LRRC4C: variants seen among roughly 807,000 people sequenced by gnomAD.
LRRC4C encodes leucine-rich repeat-containing protein 4C.
In LRRC4C, 5 loss-of-function variants were observed where a neutral mutation model predicts 33.6. That is an observed-to-expected ratio of 0.15 (90% confidence interval 0.08 to 0.31). The LOEUF (loss-of-function observed/expected upper bound fraction) is 0.31, where lower values mean the gene tolerates loss of function less well. Among genes scored for constraint, LRRC4C ranks in the 10% least tolerant of loss-of-function variants. The probability of loss-of-function intolerance (pLI) is 1.00; values close to 1 mark genes in which losing one functional copy is unlikely to be tolerated. For missense variants in LRRC4C, 560 were observed against 796.7 expected (o/e 0.70, Z 3.58); for synonymous variants, 329 against 302.0 (o/e 1.09, Z -0.93).
chr11:41,079,529 G>A (rs1939406495), intron 1 of LRRC4C, among the ~76,000 whole-genome samples: 2 of 152,062 alleles, frequency 1.3e-5, no homozygotes, highest in Admixed American at 1.3e-4. Context: ...CCCCCCAAGA[G>A]CAAAAAGATG....
rs527947258 is a variant in LRRC4C, at chr11:40,514,882, A to G, written c.-270+133260T>C. 7.9e-5 allele frequency among the ~76,000 whole-genome samples: 12 copies of G among 152,290 alleles called. No homozygotes were observed. In the South Asian group the frequency reaches 2.5e-3, roughly 32 times the overall value. ...CACAATTTCAAAAATTATCAAACCA[A>G]TTTAATTCTTGACATGGGACTAGAG... On this transcript the variant is annotated intron_variant, in intron 3 of 6. Transcript: ENST00000528697.
intron 1 of LRRC4C, among the ~76,000 whole-genome samples, chr11:41,124,334 C>T (rs949940401): frequency 1.3e-5 from 2 of 152,166 alleles, no homozygotes; most frequent in African/African-American, 2.4e-5. Context: ...CTTCTGCCAC[C>T]AATCCAAACT....
At chr11:40,404,607 C>CT in intron 3 of LRRC4C, among the ~76,000 whole-genome samples, 1 of 152,012 alleles carries the variant, frequency 6.6e-6, no homozygotes, top group Middle Eastern at 3.4e-3. Context: ...CCCACTTTTT[C>CT]TTTTTTGCAA....
chr11:41,087,199 G>A (rs562746869), intron 1 of LRRC4C, among the ~76,000 whole-genome samples: 8 of 151,928 alleles, frequency 5.3e-5, no homozygotes, highest in African/African-American at 1.2e-4. Flanking sequence ...TATCAGTCTC[G>A]TTTTTCCATT....
Position 40,595,568 on chromosome 11 carries a change from A to G in LRRC4C, c.-270+52574T>C, listed in dbSNP as rs577171426. 5.9e-5 allele frequency among the ~76,000 whole-genome samples: 9 copies of G among 152,058 alleles called. No individual in the cohort carries two copies. The Middle Eastern group carries it at 0.014, about 230-fold the overall frequency. On this transcript the variant is annotated intron_variant, in intron 3 of 6. Transcript: ENST00000528697. Reference sequence around the variant, plus strand: ...TCCCTTCTTTCTCCAACTCTTCCTTAACTACATAAACATTCTTTGGTGCAT... The same window carrying G: ...TCCCTTCTTTCTCCAACTCTTCCTTGACTACATAAACATTCTTTGGTGCAT...
chr11:40,249,077 C>T lies in LRRC4C; in HGVS notation c.-175-7479G>A, dbSNP rs191652080. Among the ~76,000 whole-genome samples, 295 of 152,232 alleles carry T rather than the reference C, an allele frequency of 1.9e-3. 3 individuals are homozygous for T. Among genetic ancestry groups the T allele is most frequent in the African/African-American group, 6.5e-3 (268 of 41,538 alleles). On this transcript the variant is annotated intron_variant, in intron 4 of 6. Coordinates refer to ENST00000528697, the MANE Select transcript of LRRC4C (RefSeq NM_001258419.2). ...TGGAGGCTAGGCGTGGTGGCTCACG[C>T]CTGTCATCTCAGCACTTTGGGAGGC... is the stretch of plus-strand genomic sequence containing the variant.
chr11:41,345,583 G>C (rs1419562460), intron 1 of LRRC4C, among the ~76,000 whole-genome samples: 1 of 152,060 alleles, frequency 6.6e-6, no homozygotes, highest in African/African-American at 2.4e-5. Context: ...TATCTATAAA[G>C]AAGTTAGAAA....
rs559001516 is a variant in LRRC4C, at chr11:40,251,508, C to T, written c.-175-9910G>A. Among the ~76,000 whole-genome samples, 12 of 152,260 alleles carry T rather than the reference C, an allele frequency of 7.9e-5. No homozygotes were observed. The South Asian group carries it at 2.5e-3, about 32-fold the overall frequency. ...CCTCCACATTTCCTGACTCTTCCCC[C>T]AGCCTCATGCCCCAAAGCCTGGCTC... On this transcript the variant is annotated intron_variant, in intron 4 of 6. Transcript: ENST00000528697.
At chr11:40,155,974 C>T (rs1858655549) in intron 5 of LRRC4C, among the ~76,000 whole-genome samples, 1 of 152,074 alleles carries the variant, frequency 6.6e-6, no homozygotes, top group Non-Finnish European at 1.5e-5. Context: ...CTAACCGAAT[C>T]CAGCAACGTA....
chr11:40,774,167 T>C (rs1228508648), intron 2 of LRRC4C, among the ~76,000 whole-genome samples: 1 of 152,130 alleles, frequency 6.6e-6, no homozygotes, highest in Non-Finnish European at 1.5e-5. Context: ...CTCCATTTTG[T>C]AGCATAAATA....
intron 1 of LRRC4C, among the ~76,000 whole-genome samples, chr11:41,058,357 T>G (rs1042681526): frequency 1.3e-5 from 2 of 152,228 alleles, no homozygotes; most frequent in Non-Finnish European, 2.9e-5. Flanking sequence ...TGTAGCTGCC[T>G]GCCCCACTGC....
intron 1 of LRRC4C, among the ~76,000 whole-genome samples, chr11:41,198,515 C>T (rs938203642): frequency 1.3e-5 from 2 of 151,886 alleles, no homozygotes; most frequent in African/African-American, 2.4e-5. Flanking sequence ...GGGATGTAAG[C>T]ATTTGAGAAT....
intron 4 of LRRC4C, among the ~76,000 whole-genome samples, chr11:40,248,189 C>G (rs1385236946): frequency 6.6e-6 from 1 of 152,102 alleles, no homozygotes; most frequent in East Asian, 1.9e-4. Flanking sequence ...GTTCCAATGT[C>G]ATTTCTTCTA....
chr11:40,319,873 T>A (rs549900018), intron 3 of LRRC4C, 152 bp from the exon 4 acceptor site: 1 of 152,262 alleles, frequency 6.6e-6, no homozygotes, highest in East Asian at 1.9e-4. Context: ...GTGTGTTACA[T>A]AACTAACAAA....
At chr11:40,360,878 C>A (rs1409769005) in intron 3 of LRRC4C, among the ~76,000 whole-genome samples, 3 of 152,022 alleles carry the variant, frequency 2.0e-5, no homozygotes, top group African/African-American at 7.3e-5. Context: ...GAATCTAGCA[C>A]CACATCAAAA....
chr11:40,601,665 T>C (rs1007645344), intron 3 of LRRC4C, among the ~76,000 whole-genome samples: 2 of 152,182 alleles, frequency 1.3e-5, no homozygotes, highest in Non-Finnish European at 2.9e-5. Context: ...GTCTAATTCA[T>C]CAAGGTTGTA....
Position 41,347,616 on chromosome 11 carries a change from G to C in LRRC4C, c.-496+111815C>G, listed in dbSNP as rs958794074. Among the ~76,000 whole-genome samples the C allele has an allele frequency of 3.3e-5, 5 of 152,258 alleles. No individual in the cohort carries two copies. The South Asian group carries it at 1.0e-3, about 32-fold the overall frequency. On this transcript the variant is annotated intron_variant, in intron 1 of 6. Transcript: ENST00000528697. The stretch of plus-strand genomic sequence containing the variant: ...TCAATATACAAAGGTAGTAAGTACA[G>C]AAAGTAAATATTATTTGATTGTACA...
At chr11:40,233,810 A>G (rs1291116042) in intron 5 of LRRC4C, among the ~76,000 whole-genome samples, 2 of 152,182 alleles carry the variant, frequency 1.3e-5, no homozygotes, top group African/African-American at 4.8e-5. Flanking sequence ...TGGTATTTGA[A>G]GGGGTAATGT....
At chr11:40,344,584 A>G (rs1947034082) in intron 3 of LRRC4C, among the ~76,000 whole-genome samples, 1 of 152,138 alleles carries the variant, frequency 6.6e-6, no homozygotes, top group African/African-American at 2.4e-5. Flanking sequence ...TTCCCTTAAA[A>G]ACCAGAACAA....
Sources: allele counts gnomAD v4.1 joint callset (sites outside exome capture counted in the v4.1 genomes callset), GRCh38; gene constraint gnomAD v4.1.1; transcripts MANE v1.5; gene names NCBI Gene and HGNC (gene_info 2026-07-23, HGNC 2026-07-21).